Variants in GALNT13 observed in about 807,000 individuals in gnomAD.
The protein encoded by GALNT13 is polypeptide N-acetylgalactosaminyltransferase 13.
GALNT13 carries 28 observed loss-of-function variants against 64.2 expected under a neutral mutation model. The ratio of observed to expected loss-of-function variants is 0.44; its 90% CI spans 0.32 to 0.60. The LOEUF (loss-of-function observed/expected upper bound fraction) is 0.60. Ranked by LOEUF, GALNT13 falls within the 20% of genes least tolerant of loss-of-function variation. The pLI, the probability that GALNT13 is intolerant of heterozygous loss-of-function variation, is 0.05. For missense variants in GALNT13, 577 were observed against 669.8 expected (o/e 0.86, Z 1.53); for synonymous variants, 214 against 224.6 (o/e 0.95, Z 0.42).
the GALNT13 span, among the ~76,000 whole-genome samples, chr2:153,437,409 T>C: frequency 5.3e-5 from 8 of 152,170 alleles, no homozygotes; most frequent in African/African-American, 1.9e-4. Context: ...TTGATCTGTC[T>C]AATGTTGACA....
chr2:153,440,262 C>T, the GALNT13 span, among the ~76,000 whole-genome samples: 1 of 152,096 alleles, frequency 6.6e-6, no homozygotes, highest in Non-Finnish European at 1.5e-5. Context: ...CATCCATGTC[C>T]CTGCAAAGGA....
the GALNT13 span, among the ~76,000 whole-genome samples, chr2:153,233,486 T>TTAA: frequency 4.7e-5 from 7 of 150,354 alleles, no homozygotes; most frequent in African/African-American, 1.7e-4. Context: ...ACCTTATTTT[T>TTAA]AAAAAAAAAA....
intron 9 of GALNT13, among the ~76,000 whole-genome samples, chr2:154,368,501 G>A (rs76306904): frequency 4.6e-5 from 7 of 152,190 alleles, no homozygotes; most frequent in East Asian, 1.9e-4. Flanking sequence ...TTCATTGTTC[G>A]TAGAGTAAAA....
chr2:153,486,555 T>C, the GALNT13 span, among the ~76,000 whole-genome samples: 2 of 152,176 alleles, frequency 1.3e-5, no homozygotes, highest in Non-Finnish European at 2.9e-5. Context: ...TTTCTTTACA[T>C]GCCAGGCATG....
intron 11 of GALNT13, among the ~76,000 whole-genome samples, chr2:154,429,103 CA>C (rs1168170381): frequency 2.0e-5 from 3 of 152,138 alleles, no homozygotes; most frequent in African/African-American, 7.2e-5. Flanking sequence ...TCCTGAAACA[CA>C]ACAATATTGA....
chr2:153,461,379 A>G, the GALNT13 span, among the ~76,000 whole-genome samples: 1 of 152,072 alleles, frequency 6.6e-6, no homozygotes, highest in East Asian at 1.9e-4. Context: ...GAGCAGTAAG[A>G]TTTTGATAGA....
intron 4 of GALNT13, among the ~76,000 whole-genome samples, chr2:154,181,532 A>G (rs1459915039): frequency 6.6e-6 from 1 of 152,140 alleles, no homozygotes; most frequent in African/African-American, 2.4e-5. Context: ...GTTGAAATGA[A>G]ACAATGCTAT....
the GALNT13 span, among the ~76,000 whole-genome samples, chr2:153,078,051 C>T: frequency 0.025 from 3,776 of 151,986 alleles, 163 homozygotes; most frequent in African/African-American, 0.084. Context: ...AAATGTAGGC[C>T]TTGGTCTGGT....
intron 3 of GALNT13, among the ~76,000 whole-genome samples, chr2:154,096,550 A>G (rs1159792429): frequency 6.6e-6 from 1 of 152,074 alleles, no homozygotes; most frequent in East Asian, 1.9e-4. Context: ...ATCATCTCTT[A>G]CAGAATCTTC....
chr2:153,073,381 C>A, the GALNT13 span, among the ~76,000 whole-genome samples: 1 of 151,436 alleles, frequency 6.6e-6, no homozygotes, highest in Admixed American at 6.6e-5. Flanking sequence ...CGCAAACCAG[C>A]TGGGAGTTAA....
the GALNT13 span, among the ~76,000 whole-genome samples, chr2:153,542,109 G>C: frequency 6.6e-6 from 1 of 152,046 alleles, no homozygotes; most frequent in Non-Finnish European, 1.5e-5. Flanking sequence ...CCTGATGTCA[G>C]GAGTTCAAGA....
chr2:153,774,252 A>G, the GALNT13 span, among the ~76,000 whole-genome samples: 2 of 152,126 alleles, frequency 1.3e-5, no homozygotes, highest in Non-Finnish European at 2.9e-5. Flanking sequence ...AAAACTCAAG[A>G]GTAAATGCTT....
the GALNT13 span, among the ~76,000 whole-genome samples, chr2:153,266,595 CA>C: frequency 2.0e-5 from 3 of 151,854 alleles, no homozygotes; most frequent in East Asian, 3.9e-4. Context: ...AGCTCGAGTG[CA>C]GGGGGAAAAG....
chr2:153,581,683 A>T, the GALNT13 span, among the ~76,000 whole-genome samples: 1 of 135,030 alleles, frequency 7.4e-6, no homozygotes, highest in Non-Finnish European at 1.6e-5. Context: ...GAAAAGACAC[A>T]TAGCCATTAA....
chr2:153,338,505 G>T, the GALNT13 span, among the ~76,000 whole-genome samples: 1 of 152,040 alleles, frequency 6.6e-6, no homozygotes, highest in African/African-American at 2.4e-5. Context: ...TTGACAATTA[G>T]AAATGATATA....
the GALNT13 span, among the ~76,000 whole-genome samples, chr2:153,795,305 G>A: frequency 3.3e-5 from 5 of 152,082 alleles, no homozygotes; most frequent in South Asian, 2.1e-4. Context: ...TAATTGTACC[G>A]TACGTGATTT....
chr2:153,075,608 A>G, the GALNT13 span, among the ~76,000 whole-genome samples: 1 of 152,130 alleles, frequency 6.6e-6, no homozygotes, highest in African/African-American at 2.4e-5. Flanking sequence ...AGTTAGGTTC[A>G]TTTATTTCAA....
At chr2:153,368,585 T>C in the GALNT13 span, among the ~76,000 whole-genome samples, 1 of 152,262 alleles carries the variant, frequency 6.6e-6, no homozygotes, top group Non-Finnish European at 1.5e-5. Flanking sequence ...AAGAAGGTCA[T>C]TACATGACGA....
intron 3 of GALNT13, among the ~76,000 whole-genome samples, chr2:153,963,369 A>G (rs1474494009): frequency 1.3e-5 from 2 of 152,202 alleles, no homozygotes; most frequent in Non-Finnish European, 2.9e-5. Context: ...ATTATTATGA[A>G]TAAAGCTGCT....
Sources: allele counts gnomAD v4.1 joint callset (sites outside exome capture counted in the v4.1 genomes callset), GRCh38; gene constraint gnomAD v4.1.1; transcripts MANE v1.5; gene names NCBI Gene and HGNC (gene_info 2026-07-23, HGNC 2026-07-21).